Variants in SEMA6D observed in about 807,000 individuals in gnomAD.
SEMA6D encodes semaphorin 6D.
In SEMA6D, 35 loss-of-function variants were observed where a neutral mutation model predicts 106.6. The ratio of observed to expected loss-of-function variants is 0.33; its 90% CI spans 0.25 to 0.44. SEMA6D has a LOEUF of 0.44. Ranked by LOEUF, SEMA6D falls within the 20% of genes least tolerant of loss-of-function variation. SEMA6D has a pLI of 1.00. For missense variants in SEMA6D, 1,185 were observed against 1,345.9 expected (o/e 0.88, Z 1.87); for synonymous variants, 499 against 487.7 (o/e 1.02, Z -0.31).
At chr15:47,767,684 C>T (rs1170441167) in intron 17 of SEMA6D, among the ~76,000 whole-genome samples, 1 of 152,148 alleles carries the variant, frequency 6.6e-6, no homozygotes, top group Non-Finnish European at 1.5e-5. Context: ...GAGCCTCCTT[C>T]TGTTAACTGT....
intron 1 of SEMA6D, among the ~76,000 whole-genome samples, chr15:47,232,299 C>G (rs557992963): frequency 6.6e-6 from 1 of 152,036 alleles, no homozygotes; most frequent in African/African-American, 2.4e-5. Context: ...ATGAATAGTG[C>G]TGTAATAAAC....
intron 3 of SEMA6D, among the ~76,000 whole-genome samples, chr15:47,493,512 A>T (rs1438290539): frequency 6.6e-6 from 1 of 152,174 alleles, no homozygotes; most frequent in Non-Finnish European, 1.5e-5. Flanking sequence ...GATTAGCCAC[A>T]ACCCAGCATT....
intron 1 of SEMA6D, among the ~76,000 whole-genome samples, chr15:47,203,218 C>T (rs975446723): frequency 2.0e-5 from 3 of 152,070 alleles, no homozygotes; most frequent in African/African-American, 7.2e-5. Context: ...GCCTCAGAAT[C>T]AAGTTCCCTC....
At chr15:47,238,050 C>A (rs2032667556) in intron 1 of SEMA6D, among the ~76,000 whole-genome samples, 1 of 152,078 alleles carries the variant, frequency 6.6e-6, no homozygotes, top group Admixed American at 6.6e-5. Flanking sequence ...GATGATGACA[C>A]AAGTATTCTG....
At chr15:47,227,429 C>CTTTCTTTCTTTCTTTCTTTCTTTCTTTCT (rs1555407178) in intron 1 of SEMA6D, among the ~76,000 whole-genome samples, 60 of 145,708 alleles carry the variant, frequency 4.1e-4, no homozygotes, top group Non-Finnish European at 7.5e-4. Context: ...CTCTTTCTTT[C>CTTTCTTTCTTTCTTTCTTTCTTTCTTTCT]TTTCTTTCTT....
rs559805815 is a variant in SEMA6D at position 47,684,017 on chromosome 15, T to A, written c.-54-75728T>A. On this transcript the variant is annotated intron_variant, in intron 4 of 19. Coordinates refer to the SEMA6D transcript ENST00000558014. The stretch of plus-strand genomic sequence containing the variant: ...ATGGATTATGTTTTGTATCAATTGA[T>A]ATGGAGTCATCTTCAAGATGGCAGA... Among the ~76,000 whole-genome samples, 24 of 152,322 alleles carry A rather than the reference T, an allele frequency of 1.6e-4. No individual in the cohort carries two copies. In the South Asian group the frequency reaches 4.6e-3, roughly 29 times the overall value.
At chr15:47,688,631 A>G (rs946275564) in intron 4 of SEMA6D, among the ~76,000 whole-genome samples, 17 of 152,142 alleles carry the variant, frequency 1.1e-4, no homozygotes, top group African/African-American at 3.9e-4. Context: ...ATTCGCATTG[A>G]CTAGAGATGG....
chr15:47,271,294 G>A (rs751805634), intron 1 of SEMA6D, among the ~76,000 whole-genome samples: 39 of 152,158 alleles, frequency 2.6e-4, no homozygotes, highest in Admixed American at 2.0e-3. Context: ...GTTTTACAGA[G>A]GTAGGTAAAC....
intron 4 of SEMA6D, among the ~76,000 whole-genome samples, chr15:47,696,697 TGAGGCTCCAA>T (rs1035338732): frequency 2.0e-5 from 3 of 152,154 alleles, no homozygotes; most frequent in Non-Finnish European, 4.4e-5. Flanking sequence ...GGTGAGAAAC[TGAGGCTCCAA>T]GAATTCAGTC....
At chr15:47,200,776 A>G (rs998605052) in intron 1 of SEMA6D, among the ~76,000 whole-genome samples, 4 of 152,228 alleles carry the variant, frequency 2.6e-5, no homozygotes, top group African/African-American at 9.6e-5. Context: ...AATACATTTT[A>G]CACATTTATA....
At chr15:47,414,000 G>T (rs567570894) in intron 2 of SEMA6D, among the ~76,000 whole-genome samples, 1 of 143,896 alleles carries the variant, frequency 6.9e-6, no homozygotes, top group South Asian at 2.3e-4. Flanking sequence ...TTGCCTTGCT[G>T]CTTTATTCAG....
chr15:47,685,941 G>A (rs1395728136), intron 4 of SEMA6D, among the ~76,000 whole-genome samples: 1 of 152,168 alleles, frequency 6.6e-6, no homozygotes, highest in East Asian at 1.9e-4. Context: ...TTTAAAATAG[G>A]GAATGGATGT....
intron 4 of SEMA6D, among the ~76,000 whole-genome samples, chr15:47,612,643 TAGAAAA>T (rs2076930644): frequency 6.6e-6 from 1 of 152,222 alleles, no homozygotes; most frequent in African/African-American, 2.4e-5. Context: ...TATCTGGGCT[TAGAAAA>T]TGTGTCAGAG....
chr15:47,495,388 C>A (rs894913195), intron 3 of SEMA6D, among the ~76,000 whole-genome samples: 46 of 151,980 alleles, frequency 3.0e-4, no homozygotes, highest in African/African-American at 1.0e-3. Context: ...TGTACTGATG[C>A]CAAAGAACTT....
chr15:47,548,614 TA>T (rs36011641), intron 3 of SEMA6D, among the ~76,000 whole-genome samples: 1 of 152,036 alleles, frequency 6.6e-6, no homozygotes, highest in African/African-American at 2.4e-5. Flanking sequence ...TTGTGCTCCA[TA>T]AAAAAAGGTT....
At chr15:47,396,936 A>G (rs281303) in intron 1 of SEMA6D, among the ~76,000 whole-genome samples, 99,064 of 152,022 alleles carry the variant, frequency 0.65, 32,424 homozygotes, top group Middle Eastern at 0.72. Context: ...TTTCTAACAC[A>G]TGCTCCATTG....
At chr15:47,645,150 A>T (rs1341358866) in intron 4 of SEMA6D, among the ~76,000 whole-genome samples, 1 of 152,134 alleles carries the variant, frequency 6.6e-6, no homozygotes, top group East Asian at 1.9e-4. Flanking sequence ...GTTGCTGGCA[A>T]CCTTGATGAT....
intron 1 of SEMA6D, among the ~76,000 whole-genome samples, chr15:47,737,253 A>G (rs950373885): frequency 2.0e-5 from 3 of 152,212 alleles, no homozygotes; most frequent in African/African-American, 7.2e-5. Flanking sequence ...ATAATTACAT[A>G]TTTCAAAAAT....
chr15:47,275,124 G>A (rs1214998355), intron 1 of SEMA6D: 3 of 152,074 alleles, frequency 2.0e-5, no homozygotes, highest in Non-Finnish European at 4.4e-5. Context: ...GTGGTCCAGT[G>A]GGAAGAAACA....
Sources: allele counts gnomAD v4.1 joint callset (sites outside exome capture counted in the v4.1 genomes callset), GRCh38; gene constraint gnomAD v4.1.1; transcripts MANE v1.5; gene names NCBI Gene and HGNC (gene_info 2026-07-23, HGNC 2026-07-21).